Variants in IMMP2L observed in about 807,000 individuals in gnomAD.
The protein encoded by IMMP2L is inner mitochondrial membrane peptidase subunit 2.
In IMMP2L, 18 loss-of-function variants were observed where a neutral mutation model predicts 19.3. That is an observed-to-expected ratio of 0.93 (90% CI 0.64 to 1.38). IMMP2L has a LOEUF of 1.38. Among genes scored for constraint, IMMP2L ranks in the 40% most tolerant of loss-of-function variants. The pLI is 0.00. For synonymous variants in IMMP2L, 76 were observed against 73.0 expected (o/e 1.04, Z -0.21); for missense variants, 233 against 218.2 (o/e 1.07, Z -0.43).
intron 3 of IMMP2L, among the ~76,000 whole-genome samples, chr7:111,328,600 G>A (rs1345469503): frequency 6.6e-6 from 1 of 151,816 alleles, no homozygotes; most frequent in Non-Finnish European, 1.5e-5. Flanking sequence ...AAAAACTAGA[G>A]GTGTGTTACG....
At chr7:110,920,132 C>T (rs763360789) in intron 4 of IMMP2L, among the ~76,000 whole-genome samples, 3 of 152,106 alleles carry the variant, frequency 2.0e-5, no homozygotes, top group African/African-American at 7.2e-5. Context: ...TTGAGGTTTT[C>T]GGACTCAGAC....
chr7:110,752,417 A>G (rs780032797), intron 5 of IMMP2L, among the ~76,000 whole-genome samples: 18 of 152,040 alleles, frequency 1.2e-4, no homozygotes, highest in Admixed American at 1.3e-4. Context: ...AGATTATGAG[A>G]CACTATAATT....
intron 1 of IMMP2L, among the ~76,000 whole-genome samples, chr7:111,559,653 C>T (rs1253340533): frequency 1.3e-5 from 2 of 152,122 alleles, no homozygotes; most frequent in East Asian, 1.9e-4. Flanking sequence ...CACTACATGG[C>T]TTTCCACAAT....
At chr7:110,892,646 A>ACGGG (rs1810923924) in intron 4 of IMMP2L, among the ~76,000 whole-genome samples, 1 of 152,194 alleles carries the variant, frequency 6.6e-6, no homozygotes, top group Admixed American at 6.5e-5. Context: ...TTGTAATGAA[A>ACGGG]TTGTAGAACA....
chr7:110,726,826 G>A (rs977041527), intron 5 of IMMP2L, among the ~76,000 whole-genome samples: 13 of 152,122 alleles, frequency 8.5e-5, no homozygotes, highest in African/African-American at 2.9e-4. Flanking sequence ...GCTGAGTGGG[G>A]AATCACCAAT....
chr7:111,407,127 G>C (rs902146604), intron 3 of IMMP2L, among the ~76,000 whole-genome samples: 1 of 151,998 alleles, frequency 6.6e-6, no homozygotes, highest in African/African-American at 2.4e-5. Context: ...CACTAGGATA[G>C]CTAAAATCAA....
chr7:111,478,412 G>C (rs998007684), intron 3 of IMMP2L, among the ~76,000 whole-genome samples: 3 of 151,908 alleles, frequency 2.0e-5, no homozygotes, highest in Admixed American at 1.3e-4. Flanking sequence ...TGTTTTTGGA[G>C]AGAGGGTCTT....
At chr7:111,391,781 G>C in intron 3 of IMMP2L, 1 of 657,154 alleles carries the variant, frequency 1.5e-6, no homozygotes, top group South Asian at 1.6e-5. Context: ...TACGATAAGA[G>C]TATGAGTTCA....
intron 3 of IMMP2L, among the ~76,000 whole-genome samples, chr7:111,243,785 C>T (rs1330787086): frequency 7.4e-5 from 3 of 40,356 alleles, no homozygotes; most frequent in Non-Finnish European, 9.2e-5. Flanking sequence ...TTTGTTCTTG[C>T]GATAGTTTAC....
At chr7:111,188,884 C>T (rs966483965) in intron 3 of IMMP2L, among the ~76,000 whole-genome samples, 2 of 152,066 alleles carry the variant, frequency 1.3e-5, no homozygotes, top group Non-Finnish European at 2.9e-5. Flanking sequence ...AGATTTCCTA[C>T]CTAATATGAT....
intron 3 of IMMP2L, among the ~76,000 whole-genome samples, chr7:111,215,093 C>T (rs1811795805): frequency 6.6e-6 from 1 of 152,184 alleles, no homozygotes; most frequent in Admixed American, 6.5e-5. Flanking sequence ...TAGTACCCAT[C>T]ACTCCTTATA....
chr7:111,322,436 C>T (rs1824826607), intron 3 of IMMP2L, among the ~76,000 whole-genome samples: 1 of 151,702 alleles, frequency 6.6e-6, no homozygotes. Flanking sequence ...ACAGACAGAA[C>T]CATGAGTCAC....
chr7:111,528,298 A>G (rs551026710), intron 1 of IMMP2L, among the ~76,000 whole-genome samples: 31 of 152,248 alleles, frequency 2.0e-4, no homozygotes, highest in Admixed American at 1.7e-3. Flanking sequence ...AGCAATAACA[A>G]TCAGGTACTA....
intron 3 of IMMP2L, among the ~76,000 whole-genome samples, chr7:111,282,431 TA>T (rs1819996801): frequency 6.6e-6 from 1 of 152,096 alleles, no homozygotes; most frequent in Admixed American, 6.5e-5. Context: ...TTTGTAATGA[TA>T]AAAGAGCCAA....
intron 3 of IMMP2L, among the ~76,000 whole-genome samples, chr7:111,421,516 C>T (rs186178668): frequency 2.0e-5 from 3 of 151,412 alleles, no homozygotes; most frequent in Admixed American, 1.3e-4. Flanking sequence ...TTGATCCACC[C>T]GCCTCGGCCT....
intron 5 of IMMP2L, among the ~76,000 whole-genome samples, chr7:110,780,600 T>A (rs1799672217): frequency 6.6e-6 from 1 of 151,708 alleles, no homozygotes; most frequent in Non-Finnish European, 1.5e-5. Context: ...CTATTACCCC[T>A]TCCCCACGTT....
rs146931714 is a variant in IMMP2L, at chr7:111,523,994, T to C, written c.-2-2545A>G. Among the ~76,000 whole-genome samples the C allele has an allele frequency of 7.8e-4, 118 of 152,256 alleles. 1 individual carries two copies. Among genetic ancestry groups the C allele is most frequent in the Non-Finnish European group, 1.5e-3 (99 of 67,990 alleles). Reference sequence around the variant, plus strand: ...ATATATCTCTACAAAAGATTTAATATACTTTTCCAATGGACTATTTTACAA... The same window carrying C: ...ATATATCTCTACAAAAGATTTAATACACTTTTCCAATGGACTATTTTACAA... On this transcript the variant is annotated intron_variant, in intron 1 of 5. Transcript: ENST00000405709.
At chr7:110,831,131 G>A (rs899880917) in intron 5 of IMMP2L, among the ~76,000 whole-genome samples, 4 of 152,060 alleles carry the variant, frequency 2.6e-5, no homozygotes, top group South Asian at 2.1e-4. Context: ...GACTGGGGTC[G>A]TTCTCAGTTT....
At chr7:110,868,436 G>A (rs1476494218) in intron 5 of IMMP2L, among the ~76,000 whole-genome samples, 1 of 152,008 alleles carries the variant, frequency 6.6e-6, no homozygotes, top group Non-Finnish European at 1.5e-5. Context: ...GGCACAGTAG[G>A]TTATATTTTT....
Sources: allele counts gnomAD v4.1 joint callset (sites outside exome capture counted in the v4.1 genomes callset), GRCh38; gene constraint gnomAD v4.1.1; transcripts MANE v1.5; gene names NCBI Gene and HGNC (gene_info 2026-07-23, HGNC 2026-07-21).